The following APAF1 variants were observed in gnomAD, a reference collection of about 807,000 sequenced individuals.
The protein encoded by APAF1 is apoptotic protease-activating factor 1.
APAF1 carries 91 observed loss-of-function variants against 152.4 expected under a neutral mutation model. That is an observed-to-expected ratio of 0.60 (90% CI 0.50 to 0.71). APAF1 has a LOEUF of 0.71. Among genes scored for constraint, APAF1 ranks in the 30% least tolerant of loss-of-function variants. The probability of loss-of-function intolerance (pLI) is 0.00; values close to 1 mark genes in which losing one functional copy is unlikely to be tolerated. For synonymous variants in APAF1, 484 were observed against 494.1 expected (o/e 0.98, Z 0.27); for missense variants, 1,283 against 1,472.0 (o/e 0.87, Z 2.10).
chr12:98,732,137 C>T (rs1268569135), intron 26 of APAF1, among the ~76,000 whole-genome samples: 4 of 152,146 alleles, frequency 2.6e-5, no homozygotes, highest in Non-Finnish European at 2.9e-5. Context: ...GTAATGGACT[C>T]TATAGCTTCC....
At chr12:98,727,458 G>C in intron 26 of APAF1, 142 bp downstream of exon 26, 7 of 898,254 alleles carry the variant, frequency 7.8e-6, no homozygotes, top group Non-Finnish European at 1.2e-5. Context: ...AAGGTGGGAG[G>C]ATCGCTGGAG....
intron 16 of APAF1, among the ~76,000 whole-genome samples, chr12:98,695,617 AAG>A (rs2097709055): frequency 6.6e-6 from 1 of 152,200 alleles, no homozygotes. Flanking sequence ...ATTTAGAAAA[AAG>A]ACTTTCTCTT....
intron 16 of APAF1, among the ~76,000 whole-genome samples, chr12:98,698,079 C>T (rs931171784): frequency 2.6e-5 from 4 of 152,214 alleles, no homozygotes; most frequent in South Asian, 4.1e-4. Context: ...ACTGCTTGGA[C>T]AGAAGCTGAA....
chr12:98,711,702 C>T (rs2097728072), intron 20 of APAF1, among the ~76,000 whole-genome samples: 1 of 152,162 alleles, frequency 6.6e-6, no homozygotes, highest in Non-Finnish European at 1.5e-5. Flanking sequence ...GATAAGGCAT[C>T]ATAATTCATG....
At chr12:98,727,892 G>C (rs910152709) in intron 26 of APAF1, among the ~76,000 whole-genome samples, 1 of 150,190 alleles carries the variant, frequency 6.7e-6, no homozygotes, top group East Asian at 2.0e-4. Context: ...AGTGAGCCGA[G>C]ATCACACCAT....
At chr12:98,647,411 C>T (rs1234520014) in intron 1 of APAF1, among the ~76,000 whole-genome samples, 5 of 151,476 alleles carry the variant, frequency 3.3e-5, no homozygotes, top group Non-Finnish European at 7.4e-5. Flanking sequence ...CTCAGTCTGT[C>T]GCCCAGGCTG....
At position 98,677,493 on chromosome 12, in the gene APAF1, C is replaced by G. The variant is rs1404180192; in HGVS notation, c.1862C>G (p.Ala621Gly). ...VRPHTDAVYHACFSEDGQRIA... is the reference protein window; with the variant it reads ...VRPHTDAVYHGCFSEDGQRIA... ...CCCCACACAGATGCTGTTTACCATG[C>G]CTGCTTTTCTGAGGATGGTCAGAGA... Residue 621 changes from alanine (A) to glycine (G), a missense_variant, in exon 13 of 27, where the codon GCC (alanine) becomes GGC (glycine). Transcript: ENST00000551964. The G allele has an allele frequency of 6.2e-7, 1 of 1,614,152 alleles. No homozygotes were observed. The highest frequency in any genetic ancestry group is 8.5e-7 in the Non-Finnish European group (1 of 1,180,008).
At chr12:98,698,906 C>A (rs1217574583) in intron 16 of APAF1, among the ~76,000 whole-genome samples, 2 of 152,236 alleles carry the variant, frequency 1.3e-5, no homozygotes, top group Non-Finnish European at 2.9e-5. Context: ...CCCTGCCAAG[C>A]ACACAAAGAG....
chr12:98,664,735 A>G (rs1367492746), intron 7 of APAF1, among the ~76,000 whole-genome samples: 5 of 151,894 alleles, frequency 3.3e-5, no homozygotes, highest in African/African-American at 1.2e-4. Context: ...GGGTCTCACT[A>G]TGTTGCCCAG....
At chr12:98,665,843 G>C in intron 8 of APAF1, 52 bp downstream of exon 8, 1 of 1,407,730 alleles carries the variant, frequency 7.1e-7, no homozygotes, top group Non-Finnish European at 1.0e-6. Flanking sequence ...TGTAAGCTTT[G>C]ATATAGTACT....
At chr12:98,654,191 T>G (rs2097653455) in intron 4 of APAF1, among the ~76,000 whole-genome samples, 1 of 152,184 alleles carries the variant, frequency 6.6e-6, no homozygotes, top group Non-Finnish European at 1.5e-5. Flanking sequence ...TGGTTAGAGA[T>G]TTACATATCA....
chr12:98,706,581 T>C lies in APAF1; in HGVS notation c.2692T>C (p.Leu898=), dbSNP rs199525775. The C allele has an allele frequency of 6.2e-7, 1 of 1,614,076 alleles. No individual in the cohort carries two copies. The highest frequency in any genetic ancestry group is 2.2e-5 in the East Asian group (1 of 44,870). Residue 898 remains leucine, a synonymous_variant, in exon 19 of 27, where the codon TTG becomes CTG. Coordinates refer to ENST00000551964, the MANE Select transcript of APAF1 (RefSeq NM_181861.2). ...GTTTTCTCCTGATGGATCATCATTT[T>C]TGACATCTTCTGATGACCAGACAAT... ...VMFSPDGSSF[L]TSSDDQTIRL... is the part of the protein sequence containing the mutation.
At chr12:98,689,199 C>T (rs117629149) in intron 16 of APAF1, among the ~76,000 whole-genome samples, 5,579 of 152,240 alleles carry the variant, frequency 0.037, 152 homozygotes, top group Middle Eastern at 0.13. Flanking sequence ...AGGTTCTTCA[C>T]CTTCCGTCAT....
intron 12 of APAF1, among the ~76,000 whole-genome samples, chr12:98,675,576 T>C (rs771341003): frequency 2.5e-4 from 38 of 152,220 alleles, no homozygotes; most frequent in Non-Finnish European, 5.4e-4. Flanking sequence ...TATTATTTCC[T>C]AAACACGATG....
At chr12:98,699,610 A>G (rs1253346049) in intron 17 of APAF1, 41 bp downstream of exon 17, 2 of 1,605,902 alleles carry the variant, frequency 1.2e-6, no homozygotes, top group African/African-American at 2.7e-5. Flanking sequence ...GATTTAAAGA[A>G]AGTTAAAACT....
chr12:98,662,856 T>A (rs1385903960), intron 7 of APAF1, 50 bp downstream of exon 7: 1 of 1,564,742 alleles, frequency 6.4e-7, no homozygotes, highest in Non-Finnish European at 8.7e-7. Flanking sequence ...TTATATAATT[T>A]CCCTTTTGTT....
chr12:98,647,281 G>C (rs1488186489), intron 1 of APAF1, among the ~76,000 whole-genome samples: 2 of 151,262 alleles, frequency 1.3e-5, no homozygotes, highest in African/African-American at 2.4e-5. Flanking sequence ...AAGACAAGGT[G>C]GGGGAGAAAT....
intron 1 of APAF1, among the ~76,000 whole-genome samples, chr12:98,647,027 AT>A (rs77436830): frequency 0.31 from 47,312 of 152,018 alleles, 7,947 homozygotes; most frequent in East Asian, 0.51. Flanking sequence ...AAGTCTCTTA[AT>A]ATTAGGACTT....
chr12:98,725,703 C>T (rs1448327866), intron 25 of APAF1, among the ~76,000 whole-genome samples, 163 bp downstream of exon 25: 1 of 152,182 alleles, frequency 6.6e-6, no homozygotes, highest in Non-Finnish European at 1.5e-5. Flanking sequence ...CACAGCTGCA[C>T]TCCACTGCAG....
Sources: allele counts gnomAD v4.1 joint callset (sites outside exome capture counted in the v4.1 genomes callset), GRCh38; gene constraint gnomAD v4.1.1; transcripts MANE v1.5; gene names NCBI Gene and HGNC (gene_info 2026-07-23, HGNC 2026-07-21).